TDRD12: variants seen among roughly 807,000 people sequenced by gnomAD.
The protein encoded by TDRD12 is tudor domain containing 12.
A neutral mutation model predicts 133.5 loss-of-function variants in TDRD12; 158 were observed. The observed-to-expected ratio is 1.18, with a 90% CI of 1.04 to 1.35. The LOEUF (loss-of-function observed/expected upper bound fraction) is 1.35. TDRD12 is among the 40% of genes most tolerant of loss of function. TDRD12 has a pLI of 0.00. For missense variants in TDRD12, 1,443 were observed against 1,321.3 expected (o/e 1.09, Z -1.43); for synonymous variants, 460 against 477.9 (o/e 0.96, Z 0.49).
At chr19:32,730,118 AC>A (rs1969001856) in intron 1 of TDRD12, among the ~76,000 whole-genome samples, 4 of 151,740 alleles carry the variant, frequency 2.6e-5, no homozygotes, top group African/African-American at 9.7e-5. Flanking sequence ...CAGCCTTCCC[AC>A]CATTGGTCTT....
intron 1 of TDRD12, among the ~76,000 whole-genome samples, chr19:32,721,821 C>T (rs1451742851): frequency 6.6e-6 from 1 of 151,898 alleles, no homozygotes; most frequent in Non-Finnish European, 1.5e-5. Context: ...CATTCTCCTG[C>T]CTCAGCCTCC....
At chr19:32,825,697 C>T (rs1967566278), downstream of TDRD12, among the ~76,000 whole-genome samples, 1 of 152,176 alleles carries the variant, frequency 6.6e-6, no homozygotes, top group Non-Finnish European at 1.5e-5. The surrounding 1 kb of genome is among the most constrained non-coding windows in gnomAD (Gnocchi z 4.1). Flanking sequence ...GCCTGACCAA[C>T]ATGGTGAAAC....
At chr19:32,768,688 T>C (rs1195877818) in intron 8 of TDRD12, among the ~76,000 whole-genome samples, 1 of 152,106 alleles carries the variant, frequency 6.6e-6, no homozygotes, top group Non-Finnish European at 1.5e-5. Flanking sequence ...CTTACTTTGC[T>C]TGGATGGAGC....
At chr19:32,724,553 C>CT (rs1208570969) in intron 1 of TDRD12, among the ~76,000 whole-genome samples, 1 of 152,152 alleles carries the variant, frequency 6.6e-6, no homozygotes, top group East Asian at 1.9e-4. Context: ...AGGATATTAT[C>CT]TTGTTACTTT....
At chr19:32,755,847 A>T (rs561945363) in intron 6 of TDRD12, 145 bp from the exon 7 acceptor site, 1 of 581,190 alleles carries the variant, frequency 1.7e-6, no homozygotes, top group African/African-American at 2.0e-5. Flanking sequence ...TTACCAGAGC[A>T]GGAGTCAAAT....
At chr19:32,766,539 C>T (rs1240253169) in intron 8 of TDRD12, among the ~76,000 whole-genome samples, 1 of 152,016 alleles carries the variant, frequency 6.6e-6, no homozygotes, top group Non-Finnish European at 1.5e-5. Context: ...TTTTTGTTCC[C>T]TTTACCCTAT....
chr19:32,813,133 G>A (rs967227497), intron 24 of TDRD12, among the ~76,000 whole-genome samples: 11 of 152,078 alleles, frequency 7.2e-5, no homozygotes, highest in Admixed American at 6.6e-4. Context: ...CTATGATTGC[G>A]CCACTGCACT....
chr19:32,720,152 C>T, intron 1 of TDRD12, 56 bp downstream of exon 1: 1 of 1,524,382 alleles, frequency 6.6e-7, no homozygotes, highest in Non-Finnish European at 8.8e-7. Context: ...CACCCCCACC[C>T]CAGCCGCGCA....
intron 11 of TDRD12, among the ~76,000 whole-genome samples, chr19:32,780,749 T>C (rs1970739674): frequency 6.6e-6 from 1 of 151,802 alleles, no homozygotes; most frequent in Admixed American, 6.6e-5. Flanking sequence ...CATAGCCTTT[T>C]GGTTTACCTG....
At chr19:32,756,244 G>T in intron 7 of TDRD12, 63 bp downstream of exon 7, 1 of 1,315,900 alleles carries the variant, frequency 7.6e-7, no homozygotes, top group East Asian at 3.1e-5. Flanking sequence ...TTAGTGTATA[G>T]ATATAAGTTG....
At chr19:32,781,526 CAT>C (rs904367847) in intron 11 of TDRD12, among the ~76,000 whole-genome samples, 3 of 152,196 alleles carry the variant, frequency 2.0e-5, no homozygotes, top group Admixed American at 2.0e-4. Flanking sequence ...AGACACAAAA[CAT>C]AAATTTTTTA....
chr19:32,723,842 T>A (rs1287010003), intron 1 of TDRD12, among the ~76,000 whole-genome samples: 1 of 152,164 alleles, frequency 6.6e-6, no homozygotes, highest in Non-Finnish European at 1.5e-5. Flanking sequence ...GACCTTTAAG[T>A]AATTACTGGG....
intron 4 of TDRD12, among the ~76,000 whole-genome samples, chr19:32,747,121 G>C (rs1362410405): frequency 6.6e-6 from 1 of 151,514 alleles, no homozygotes; most frequent in Admixed American, 6.6e-5. Flanking sequence ...TGTGAGAGAG[G>C]GGGAGAGAGA....
At chr19:32,781,145 G>A (rs891306309) in intron 11 of TDRD12, among the ~76,000 whole-genome samples, 9 of 151,878 alleles carry the variant, frequency 5.9e-5, no homozygotes, top group African/African-American at 1.5e-4. Flanking sequence ...GGGTTTCACC[G>A]TGTTAGCCAG....
intron 10 of TDRD12, among the ~76,000 whole-genome samples, chr19:32,775,814 A>G (rs1009347729): frequency 6.6e-6 from 1 of 152,124 alleles, no homozygotes; most frequent in Non-Finnish European, 1.5e-5. Flanking sequence ...TTCCCTTGGC[A>G]GTCGATCTGG....
At chr19:32,734,204 A>C (rs998058690) in intron 2 of TDRD12, among the ~76,000 whole-genome samples, 4 of 151,250 alleles carry the variant, frequency 2.6e-5, no homozygotes, top group African/African-American at 9.7e-5. Flanking sequence ...CTTTTTAAAA[A>C]TTTTTTAAAT....
chr19:32,820,097 G>A (rs186840499), intron 27 of TDRD12, among the ~76,000 whole-genome samples: 51 of 152,234 alleles, frequency 3.4e-4, no homozygotes, highest in African/African-American at 1.2e-3. Flanking sequence ...GAGGGTGGGC[G>A]ACTGCACAGA....
intron 8 of TDRD12, among the ~76,000 whole-genome samples, chr19:32,761,983 C>A (rs928685943): frequency 6.6e-6 from 1 of 152,206 alleles, no homozygotes. Context: ...GGATTACAGG[C>A]ATGAGCCACC....
Position 32,798,362 on chromosome 19 carries a change from G to A in TDRD12, c.1685G>A (p.Ser562Asn), listed in dbSNP as rs113739220. 1,410 of 1,535,882 alleles carry A rather than the reference G, an allele frequency of 9.2e-4. 7 individuals are homozygous for A. The African/African-American group carries it at 0.015, about 17-fold the overall frequency. ...CTGCTGAGGCTTCTCGCCTGTCAGA[G>A]CCTGCTGTTCCTCAGGCTCTGCCAC... The change falls in exon 16 of 28, where the codon AGC (serine) becomes AAC (asparagine). Residue 562 changes from serine (S) to asparagine (N), a missense_variant. Transcript: ENST00000444215.
Sources: allele counts gnomAD v4.1 joint callset (sites outside exome capture counted in the v4.1 genomes callset), GRCh38; gene constraint gnomAD v4.1.1; non-coding constraint Gnocchi (gnomAD v3.1); transcripts MANE v1.5; gene names NCBI Gene and HGNC (gene_info 2026-07-23, HGNC 2026-07-21).